The following MAPKAP1 variants were observed in gnomAD, a reference collection of about 807,000 sequenced individuals.
The protein encoded by MAPKAP1 is MAPK associated protein 1.
In MAPKAP1, 20 loss-of-function variants were observed where a neutral mutation model predicts 65.7. The ratio of observed to expected loss-of-function variants is 0.30; its 90% CI spans 0.21 to 0.44. The LOEUF is 0.44. Ranked by LOEUF, MAPKAP1 falls within the 20% of genes least tolerant of loss-of-function variation. The probability of loss-of-function intolerance (pLI) is 1.00; values close to 1 mark genes in which losing one functional copy is unlikely to be tolerated. For missense variants in MAPKAP1, 423 were observed against 648.0 expected, an observed-to-expected ratio of 0.65 and a Z score of 3.77; for synonymous variants, 222 against 244.3, an observed-to-expected ratio of 0.91 and a Z score of 0.85.
intron 1 of MAPKAP1, among the ~76,000 whole-genome samples, chr9:125,693,442 T>TATAC (rs1554844348): frequency 1.4e-5 from 2 of 141,376 alleles, no homozygotes; most frequent in Non-Finnish European, 3.1e-5. Context: ...TATATATATA[T>TATAC]ACACACACAC....
At chr9:125,449,090 G>A (rs10986763) in intron 10 of MAPKAP1, among the ~76,000 whole-genome samples, 1 of 151,280 alleles carries the variant, frequency 6.6e-6, no homozygotes, top group African/African-American at 2.4e-5. Context: ...ATTCCAATTA[G>A]TTCAAATTAT....
chr9:125,580,251 G>T (rs1373120899), intron 5 of MAPKAP1, among the ~76,000 whole-genome samples: 1 of 152,100 alleles, frequency 6.6e-6, no homozygotes, highest in African/African-American at 2.4e-5. Flanking sequence ...GTTTACTGTG[G>T]CACTATTCAC....
intron 5 of MAPKAP1, among the ~76,000 whole-genome samples, chr9:125,562,484 C>A (rs1830920779): frequency 6.6e-6 from 1 of 152,180 alleles, no homozygotes; most frequent in South Asian, 2.1e-4. Context: ...AGTGCTCCAA[C>A]TCCTCTGACC....
chr9:125,444,633 G>A, intron 10 of MAPKAP1, 35 bp from the exon 11 acceptor site: 1 of 1,490,994 alleles, frequency 6.7e-7, no homozygotes, highest in Non-Finnish European at 9.3e-7. Flanking sequence ...AGGGGTTCTG[G>A]TGAGTTAACT....
chr9:125,599,494 T>C (rs1037139668), intron 4 of MAPKAP1, among the ~76,000 whole-genome samples: 2 of 152,100 alleles, frequency 1.3e-5, no homozygotes, highest in Non-Finnish European at 2.9e-5. Flanking sequence ...ACTTGGTTAC[T>C]AAACACCATG....
At chr9:125,589,884 A>G (rs1831902257) in intron 4 of MAPKAP1, among the ~76,000 whole-genome samples, 1 of 152,222 alleles carries the variant, frequency 6.6e-6, no homozygotes, top group Non-Finnish European at 1.5e-5. Context: ...GGGCAAGCAC[A>G]CATTCCCTTG....
chr9:125,556,098 C>A (rs754994605), intron 6 of MAPKAP1, among the ~76,000 whole-genome samples: 3 of 152,194 alleles, frequency 2.0e-5, no homozygotes, highest in Non-Finnish European at 4.4e-5. Flanking sequence ...TAAGATGATG[C>A]GTACATATGC....
At chr9:125,679,469 A>G (rs1200214603) in intron 1 of MAPKAP1, among the ~76,000 whole-genome samples, 1 of 152,186 alleles carries the variant, frequency 6.6e-6, no homozygotes, top group Admixed American at 6.5e-5. Flanking sequence ...GCAAGAAACA[A>G]TCAGTGCATG....
chr9:125,637,876 G>GA (rs1833470563), intron 4 of MAPKAP1, among the ~76,000 whole-genome samples: 1 of 152,132 alleles, frequency 6.6e-6, no homozygotes, highest in Non-Finnish European at 1.5e-5. Flanking sequence ...AGGTTCAAAC[G>GA]ATTCTACTGC....
In MAPKAP1 at chr9:125,530,485, G is replaced by A. The variant is rs542222629; in HGVS notation, c.958+12574C>T. Among the ~76,000 whole-genome samples, 4 of 152,358 alleles carry A rather than the reference G, an allele frequency of 2.6e-5. No homozygotes were observed. The East Asian group carries it at 7.7e-4, about 29-fold the overall frequency. On this transcript the variant is annotated intron_variant, in intron 7 of 11. Transcript: ENST00000265960. ...AGACTTTTAAAACTTACTTATAAAT[G>A]TGTTTGTTACAGGCAATTACAGTTT... is the stretch of plus-strand genomic sequence containing the variant.
intron 10 of MAPKAP1, among the ~76,000 whole-genome samples, chr9:125,463,184 C>G (rs910704798): frequency 6.6e-6 from 1 of 152,240 alleles, no homozygotes; most frequent in African/African-American, 2.4e-5. Context: ...TTAACATTCT[C>G]TTAAGCCCCA....
At chr9:125,481,841 G>C (rs1033722073) in intron 9 of MAPKAP1, among the ~76,000 whole-genome samples, 2 of 151,844 alleles carry the variant, frequency 1.3e-5, no homozygotes, top group African/African-American at 4.8e-5. Context: ...TTCATAAACT[G>C]AAAGTGTGGC....
intron 4 of MAPKAP1, among the ~76,000 whole-genome samples, chr9:125,631,152 T>A (rs371898792): frequency 1.3e-5 from 2 of 151,368 alleles, no homozygotes; most frequent in African/African-American, 4.9e-5. Context: ...TCTCACCATG[T>A]GATCTCTGCA....
chr9:125,554,740 G>A (rs1418006207), intron 6 of MAPKAP1, among the ~76,000 whole-genome samples: 1 of 137,868 alleles, frequency 7.3e-6, no homozygotes, highest in East Asian at 2.2e-4. Context: ...GGGCTGCAGT[G>A]AGCCATGATC....
intron 10 of MAPKAP1, among the ~76,000 whole-genome samples, chr9:125,450,472 C>A (rs1005684745): frequency 1.3e-5 from 2 of 152,092 alleles, no homozygotes; most frequent in Non-Finnish European, 2.9e-5. Context: ...TTACCATACC[C>A]CTTTCCCTGT....
intron 8 of MAPKAP1, chr9:125,505,923 T>C (rs571219741): frequency 8.7e-4 from 207 of 239,104 alleles, no homozygotes; most frequent in African/African-American, 4.4e-3. Context: ...CCTGCTAGAA[T>C]ATGCAAATGG....
chr9:125,657,808 C>T lies in MAPKAP1; in HGVS notation c.350-9G>A. Reference sequence around the variant, plus strand: ...TGACTTTAACTCCTGGGCTGTGATACAAGAGGAAGAAAAACATCTTTGTGA... The same window carrying T: ...TGACTTTAACTCCTGGGCTGTGATATAAGAGGAAGAAAAACATCTTTGTGA... On this transcript the variant is annotated splice_polypyrimidine_tract_variant and intron_variant, in intron 3 of 11. Transcript: ENST00000265960. 1.2e-6 allele frequency: 2 copies of T among 1,610,408 alleles called. No individual in the cohort carries two copies. The highest frequency in any genetic ancestry group is 1.7e-6 in the Non-Finnish European group (2 of 1,178,844).
intron 9 of MAPKAP1, among the ~76,000 whole-genome samples, chr9:125,474,110 G>A (rs1165217417): frequency 3.3e-5 from 5 of 152,100 alleles, no homozygotes; most frequent in Non-Finnish European, 7.4e-5. Flanking sequence ...CGAGTCTGGG[G>A]AGCTCAGGGA....
intron 10 of MAPKAP1, among the ~76,000 whole-genome samples, chr9:125,445,561 C>A (rs1184456189): frequency 2.0e-5 from 3 of 152,276 alleles, no homozygotes; most frequent in African/African-American, 7.2e-5. Flanking sequence ...AAGGAACCTG[C>A]TTGTCTTATC....
Sources: allele counts gnomAD v4.1 joint callset (sites outside exome capture counted in the v4.1 genomes callset), GRCh38; gene constraint gnomAD v4.1.1; transcripts MANE v1.5; gene names NCBI Gene and HGNC (gene_info 2026-07-23, HGNC 2026-07-21).